The following DOCK5 variants were observed in gnomAD, a reference collection of about 807,000 sequenced individuals.
DOCK5 encodes dedicator of cytokinesis 5, also known as dedicator of cytokinesis protein 5.
A neutral mutation model predicts 251.8 loss-of-function variants in DOCK5; 142 were observed. The ratio of observed to expected loss-of-function variants is 0.56; its 90% confidence interval spans 0.49 to 0.65. DOCK5 has a LOEUF of 0.65. Ranked by LOEUF, DOCK5 falls within the 30% of genes least tolerant of loss-of-function variation. The probability of loss-of-function intolerance (pLI) is 0.00; values close to 1 mark genes in which losing one functional copy is unlikely to be tolerated. For missense variants in DOCK5, 2,111 were observed against 2,312.3 expected, an observed-to-expected ratio of 0.91 and a Z score of 1.79; for synonymous variants, 842 against 835.5, an observed-to-expected ratio of 1.01 and a Z score of -0.13.
intron 50 of DOCK5, 182 bp from the exon 51 acceptor site, chr8:25,409,917 A>C (rs1642229606): frequency 1.9e-6 from 1 of 535,770 alleles, no homozygotes; most frequent in African/African-American, 1.9e-5. Context: ...ACTTCTGGCG[A>C]GGGCGTCACC....
At chr8:25,241,793 A>G (rs1226061722) in intron 1 of DOCK5, among the ~76,000 whole-genome samples, 2 of 152,046 alleles carry the variant, frequency 1.3e-5, no homozygotes, top group East Asian at 3.9e-4. Flanking sequence ...AAAATGTGGC[A>G]TATATACACC....
intron 1 of DOCK5, among the ~76,000 whole-genome samples, chr8:25,213,525 GTTTT>G (rs1241945290): frequency 6.6e-6 from 1 of 151,908 alleles, no homozygotes; most frequent in Non-Finnish European, 1.5e-5. Flanking sequence ...TTGTTTGTTT[GTTTT>G]TTTGTTTTCC....
At chr8:25,185,688 CTG>C (rs1358271481) in intron 1 of DOCK5, among the ~76,000 whole-genome samples, 1 of 152,180 alleles carries the variant, frequency 6.6e-6, no homozygotes, top group Non-Finnish European at 1.5e-5. Flanking sequence ...ATTAAGGAAA[CTG>C]TGCCAGACCC....
chr8:25,400,479 CAG>C (rs1801418715), intron 46 of DOCK5, among the ~76,000 whole-genome samples: 1 of 102,912 alleles, frequency 9.7e-6, no homozygotes, highest in South Asian at 3.6e-4. Context: ...GCCTGGGCAA[CAG>C]AGTGAGACTC....
chr8:25,217,813 G>C (rs868401944), intron 1 of DOCK5, among the ~76,000 whole-genome samples: 1 of 152,154 alleles, frequency 6.6e-6, no homozygotes, highest in Non-Finnish European at 1.5e-5. Context: ...TTCTCTTTCA[G>C]TATTTCTGGT....
rs892111496 is a variant in DOCK5, at chr8:25,189,624, G to A, written c.43+4673G>A. On this transcript the variant is annotated intron_variant, in intron 1 of 51. Transcript: ENST00000276440. ...AGTCCTTCTGCCTCAGCCTCCCAAA[G>A]TGCTGGGATTACAGGCATGAGCCAC... 5.6e-4 allele frequency among the ~76,000 whole-genome samples: 85 copies of A among 152,016 alleles called. 1 individual carries two copies. The highest frequency in any genetic ancestry group is 2.0e-3 in the African/African-American group (81 of 41,366).
rs188912237 is a variant in DOCK5 at position 25,351,819 on chromosome 8, C to T, written c.2843C>T (p.Pro948Leu). The T allele has an allele frequency of 2.4e-5, 39 of 1,613,376 alleles. No homozygotes were observed. Among genetic ancestry groups the T allele is most frequent in the Non-Finnish European group, 3.1e-5 (37 of 1,179,652 alleles). Residue 948 changes from proline to leucine, a missense_variant, in exon 27 of 52, where the codon CCC becomes CTC. Around this residue, in one of 3 missense-constraint regions of DOCK5, gnomAD observed 1,717 missense variants for 1,892.4 expected, o/e 0.91. Transcript: ENST00000276440. ...RTVIGMNRQS[P>L]HIGSFVACMI... The stretch of plus-strand genomic sequence containing the variant: ...GTGATTGGGATGAACCGGCAGTCTC[C>T]CCACATCGTGAGTATCTCTTTGTTG...
Position 25,402,603 on chromosome 8 carries a change from A to G in DOCK5, c.4927-955A>G, listed in dbSNP as rs151088713. Among the ~76,000 whole-genome samples, 1,344 of 151,648 alleles carry G rather than the reference A, an allele frequency of 8.9e-3. 23 individuals are homozygous for G. The highest frequency in any genetic ancestry group is 0.03 in the African/African-American group (1,259 of 41,334). On this transcript the variant is annotated intron_variant, in intron 47 of 51. Transcript: ENST00000276440. ...GAGCCACCGCGCCCGGCCCACACCC[A>G]GCTAATTTTTAAAACTTTTTTGTAG...
chr8:25,396,615 T>C (rs1040325960), intron 45 of DOCK5, among the ~76,000 whole-genome samples: 10 of 152,194 alleles, frequency 6.6e-5, no homozygotes, highest in South Asian at 2.1e-4. Flanking sequence ...ATGTTTACAG[T>C]GGTTAAATAT....
At chr8:25,337,817 C>T (rs933267032) in intron 22 of DOCK5, among the ~76,000 whole-genome samples, 2 of 151,892 alleles carry the variant, frequency 1.3e-5, no homozygotes, top group African/African-American at 2.4e-5. Flanking sequence ...GATCTCCTGA[C>T]CTCGTGATCC....
In DOCK5 at chr8:25,296,648, G is replaced by A. The variant is rs1454925579; in HGVS notation, c.606G>A (p.Lys202=). The A allele has an allele frequency of 1.2e-6, 2 of 1,612,456 alleles. No homozygotes were observed. The highest frequency in any genetic ancestry group is 2.2e-5 in the South Asian group (2 of 90,660). ...KRIEEKIQEE[K]SILQNLDLRG... The stretch of plus-strand genomic sequence containing the variant: ...TTGAGGAAAAGATCCAAGAAGAGAA[G>A]GTACAGTTCCTCAAATGTGAAATTC... The change falls in exon 7 of 52, where the codon AAG becomes AAA. Residue 202 remains lysine (K), a splice_region_variant and synonymous_variant. Transcript: ENST00000276440.
intron 2 of DOCK5, among the ~76,000 whole-genome samples, chr8:25,246,704 T>TTGTG (rs55963570): frequency 0.025 from 2,277 of 89,450 alleles, 56 homozygotes; most frequent in African/African-American, 0.033. Context: ...CCATGTTAGT[T>TTGTG]TGTGTGTGTG....
chr8:25,394,360 T>C (rs1801310092), intron 44 of DOCK5, among the ~76,000 whole-genome samples: 1 of 152,204 alleles, frequency 6.6e-6, no homozygotes, highest in Non-Finnish European at 1.5e-5. Context: ...ACTTTTTTTT[T>C]TTTTGAAACC....
At chr8:25,406,057 C>T (rs1008114663) in intron 48 of DOCK5, among the ~76,000 whole-genome samples, 8 of 152,146 alleles carry the variant, frequency 5.3e-5, no homozygotes, top group African/African-American at 1.4e-4. Flanking sequence ...CTCCCGGGTT[C>T]ACGCCATTCT....
Position 25,408,065 on chromosome 8 carries a change from G to A in DOCK5, c.5176G>A (p.Glu1726Lys), listed in dbSNP as rs139203317. The change falls in exon 49 of 52, where the codon GAG (glutamate) becomes AAG (lysine). Residue 1726 changes from glutamate to lysine, a missense_variant. This residue lies in a region of DOCK5 where 1,717 missense variants were observed against 1,892.4 expected (regional missense o/e 0.91). Transcript: ENST00000276440. The part of the protein sequence containing the change: ...EDLSLREENS[E>K]NRISKFKRKD... ...TCTGTCCCTTAGAGAGGAGAACAGC[G>A]AGAACCGGATCAGCAAGTTTAAGAG... 38 of 1,608,762 alleles carry A rather than the reference G, an allele frequency of 2.4e-5. No homozygotes were observed. Among genetic ancestry groups the A allele is most frequent in the Non-Finnish European group, 3.1e-5 (36 of 1,177,528 alleles).
In DOCK5 at chr8:25,369,544, C is replaced by T; in HGVS notation, c.3439-12C>T. 1 of 1,601,976 alleles carries T rather than the reference C, an allele frequency of 6.2e-7. No homozygotes were observed. Among genetic ancestry groups the T allele is most frequent in the Non-Finnish European group, 8.5e-7 (1 of 1,173,974 alleles). On this transcript the variant is annotated splice_polypyrimidine_tract_variant and intron_variant, in intron 33 of 51. Coordinates refer to ENST00000276440, the MANE Select transcript of DOCK5 (RefSeq NM_024940.8). ...GCAACATTATCCTGTGAAATTCTGC[C>T]TCTACTTTCAGTTTGAGAATGAGCT...
intron 2 of DOCK5, among the ~76,000 whole-genome samples, chr8:25,263,227 T>C (rs1803639692): frequency 3.8e-4 from 1 of 2,626 alleles, no homozygotes; most frequent in Non-Finnish European, 0.024. Context: ...CCTCCTCCCT[T>C]GTTTGGGACG....
At chr8:25,210,041 T>TATATATAAAA (rs1563309172) in intron 1 of DOCK5, among the ~76,000 whole-genome samples, 5 of 17,328 alleles carry the variant, frequency 2.9e-4, no homozygotes, top group African/African-American at 1.1e-3. Flanking sequence ...TATAAATGTG[T>TATATATAAAA]GTGTGTGTGT....
intron 12 of DOCK5, 76 bp downstream of exon 12, chr8:25,309,001 G>A: frequency 6.5e-7 from 1 of 1,527,940 alleles, no homozygotes; most frequent in Non-Finnish European, 8.8e-7. Context: ...TTGGACTCCT[G>A]CCCTTTATTA....
Sources: gnomAD v4.1 joint callset for allele counts (sites outside exome capture counted in the v4.1 genomes callset) on GRCh38, gnomAD v4.1.1 for gene constraint, gnomAD v4.1.1 regional missense constraint, MANE v1.5 for transcripts, NCBI Gene and HGNC (gene_info 2026-07-23, HGNC 2026-07-21) for gene names.